ADAMTSL1: variants seen among roughly 807,000 people sequenced by gnomAD.
ADAMTSL1 encodes the protein ADAMTS like 1.
In ADAMTSL1, 126 loss-of-function variants were observed where a neutral mutation model predicts 201.8. The ratio of observed to expected loss-of-function variants is 0.62; its 90% CI spans 0.54 to 0.72. The LOEUF (loss-of-function observed/expected upper bound fraction) is 0.72, where lower values mean the gene tolerates loss of function less well. Among genes scored for constraint, ADAMTSL1 ranks in the 30% least tolerant of loss-of-function variants. The probability of loss-of-function intolerance (pLI) is 0.00; values close to 1 mark genes in which losing one functional copy is unlikely to be tolerated. For synonymous variants in ADAMTSL1, 1,121 were observed against 903.4 expected (o/e 1.24, Z -4.32); for missense variants, 2,679 against 2,277.8 (o/e 1.18, Z -3.59).
intron 2 of ADAMTSL1, among the ~76,000 whole-genome samples, chr9:18,181,680 C>G (rs1828485251): frequency 6.6e-6 from 1 of 152,058 alleles, no homozygotes; most frequent in Non-Finnish European, 1.5e-5. Context: ...CACTTTTACA[C>G]TGTTGGTGGG....
At chr9:18,566,111 T>C (rs1003601306) in intron 3 of ADAMTSL1, among the ~76,000 whole-genome samples, 3 of 152,198 alleles carry the variant, frequency 2.0e-5, no homozygotes, top group Non-Finnish European at 2.9e-5. Context: ...GTGTCTGAAA[T>C]GTATTAGTAT....
chr9:18,717,542 T>G (rs1282468754), intron 14 of ADAMTSL1, among the ~76,000 whole-genome samples: 2 of 152,206 alleles, frequency 1.3e-5, no homozygotes, highest in South Asian at 2.1e-4. Flanking sequence ...CAAAGTCATC[T>G]AGAGTAGTCT....
At chr9:18,907,617 A>G (rs1347598777) in intron 28 of ADAMTSL1, 5 of 152,276 alleles carry the variant, frequency 3.3e-5, no homozygotes, top group East Asian at 1.9e-4. Flanking sequence ...TTTCTCCCCA[A>G]CTGGGCCTCA....
intron 17 of ADAMTSL1, among the ~76,000 whole-genome samples, chr9:18,772,814 C>G (rs1820769876): frequency 6.6e-6 from 1 of 152,186 alleles, no homozygotes; most frequent in Non-Finnish European, 1.5e-5. Flanking sequence ...AGGTCTCCTA[C>G]AGGCTCTCCT....
At chr9:18,550,781 A>G (rs933084864) in intron 3 of ADAMTSL1, among the ~76,000 whole-genome samples, 2 of 151,840 alleles carry the variant, frequency 1.3e-5, no homozygotes, top group Non-Finnish European at 2.9e-5. Flanking sequence ...GCAATAGAAA[A>G]CTAATATTAT....
chr9:18,172,029 C>A (rs1211142707), intron 2 of ADAMTSL1, among the ~76,000 whole-genome samples: 1 of 144,760 alleles, frequency 6.9e-6, no homozygotes, highest in Non-Finnish European at 1.5e-5. Context: ...AACACAAGAA[C>A]AGAAAACCAA....
intron 2 of ADAMTSL1, among the ~76,000 whole-genome samples, chr9:18,356,548 AAAAG>A (rs1836241522): frequency 6.6e-6 from 1 of 150,860 alleles, no homozygotes; most frequent in African/African-American, 2.4e-5. Flanking sequence ...AAAAAAAAAA[AAAAG>A]GCTATCATCT....
chr9:18,680,681 C>A (rs1412672), intron 11 of ADAMTSL1, 165 bp downstream of exon 11: 7 of 663,686 alleles, frequency 1.1e-5, no homozygotes, highest in African/African-American at 9.1e-5. Flanking sequence ...CCAGCATGAC[C>A]AAAAGTAAAT....
At chr9:18,387,401 G>A (rs1049470215) in intron 2 of ADAMTSL1, among the ~76,000 whole-genome samples, 3 of 151,684 alleles carry the variant, frequency 2.0e-5, no homozygotes, top group Non-Finnish European at 2.9e-5. Flanking sequence ...ATGCAGCCTT[G>A]CTATATTTCA....
chr9:18,293,397 GT>G (rs1563865111), intron 2 of ADAMTSL1, among the ~76,000 whole-genome samples: 35 of 152,336 alleles, frequency 2.3e-4, no homozygotes, highest in African/African-American at 8.4e-4. Flanking sequence ...GGAGGCATAT[GT>G]CATCAAGAAC....
chr9:18,540,042 G>A (rs7388822), intron 3 of ADAMTSL1, among the ~76,000 whole-genome samples: 49,405 of 151,924 alleles, frequency 0.33, 8,239 homozygotes, highest in Admixed American at 0.38. Flanking sequence ...TTCTAAATAA[G>A]GTGACAGTTG....
intron 2 of ADAMTSL1, among the ~76,000 whole-genome samples, chr9:18,188,891 A>G (rs1232342568): frequency 6.6e-6 from 1 of 152,158 alleles, no homozygotes; most frequent in Admixed American, 6.5e-5. Flanking sequence ...ATTCGCTACA[A>G]GAGTGTGAAG....
chr9:18,156,290 G>A (rs1013255861), intron 1 of ADAMTSL1, among the ~76,000 whole-genome samples: 1 of 151,928 alleles, frequency 6.6e-6, no homozygotes, highest in Non-Finnish European at 1.5e-5. Context: ...CATCTTTATG[G>A]CCATGAAAGG....
intron 23 of ADAMTSL1, among the ~76,000 whole-genome samples, chr9:18,858,319 G>C (rs568186532): frequency 6.6e-6 from 1 of 151,752 alleles, no homozygotes; most frequent in Non-Finnish European, 1.5e-5. Context: ...TGCTGTCCTC[G>C]CCTCACTCAG....
intron 23 of ADAMTSL1, among the ~76,000 whole-genome samples, chr9:18,876,304 G>GTGTGTGTGTGTGTT (rs1828146253): frequency 6.8e-6 from 1 of 147,460 alleles, no homozygotes; most frequent in Non-Finnish European, 1.5e-5. Flanking sequence ...CTGAATACGT[G>GTGTGTGTGTGTGTT]TGTGTGTGTG....
intron 19 of ADAMTSL1, among the ~76,000 whole-genome samples, chr9:18,783,338 C>T (rs1003681489): frequency 2.0e-5 from 3 of 152,176 alleles, no homozygotes; most frequent in Non-Finnish European, 4.4e-5. Context: ...ATCCAACGTG[C>T]ATAATAATTA....
intron 4 of ADAMTSL1, among the ~76,000 whole-genome samples, chr9:18,607,047 A>T (rs547333819): frequency 3.2e-4 from 48 of 152,278 alleles, no homozygotes; most frequent in Admixed American, 3.1e-3. Flanking sequence ...ACAATGAGCA[A>T]TCCATGTAAG....
intron 2 of ADAMTSL1, among the ~76,000 whole-genome samples, chr9:18,314,769 CT>C (rs1195356657): frequency 7.1e-6 from 1 of 140,328 alleles, no homozygotes; most frequent in East Asian, 2.1e-4. Flanking sequence ...CCACTGCTGC[CT>C]TCGGCAGCGT....
At chr9:18,696,832 C>T (rs1284488462) in intron 13 of ADAMTSL1, among the ~76,000 whole-genome samples, 1 of 149,470 alleles carries the variant, frequency 6.7e-6, no homozygotes, top group South Asian at 2.1e-4. Flanking sequence ...AATCATAAGT[C>T]TCATGAAAAT....
Sources: allele counts gnomAD v4.1 joint callset (sites outside exome capture counted in the v4.1 genomes callset), GRCh38; gene constraint gnomAD v4.1.1; transcripts MANE v1.5; gene names NCBI Gene and HGNC (gene_info 2026-07-23, HGNC 2026-07-21).